CLSTN2: variants seen among roughly 807,000 people sequenced by gnomAD.
CLSTN2 encodes the protein calsyntenin-2.
CLSTN2 carries 48 observed loss-of-function variants against 101.2 expected under a neutral mutation model. The ratio of observed to expected loss-of-function variants is 0.47; its 90% CI spans 0.38 to 0.60. The LOEUF is 0.60. Ranked by LOEUF, CLSTN2 falls within the 20% of genes least tolerant of loss-of-function variation. The probability of loss-of-function intolerance (pLI) is 0.00; values close to 1 mark genes in which losing one functional copy is unlikely to be tolerated. For missense variants in CLSTN2, 1,160 were observed against 1,238.2 expected, an observed-to-expected ratio of 0.94 and a Z score of 0.95; for synonymous variants, 481 against 463.6, an observed-to-expected ratio of 1.04 and a Z score of -0.48.
chr3:140,051,402 C>CA (rs1435019489), intron 1 of CLSTN2, among the ~76,000 whole-genome samples: 10 of 152,208 alleles, frequency 6.6e-5, no homozygotes, highest in Non-Finnish European at 2.9e-5. Context: ...TTCCTGCCTT[C>CA]AGTCCATTCC....
At chr3:140,159,500 T>C (rs1358790369) in intron 1 of CLSTN2, among the ~76,000 whole-genome samples, 1 of 152,090 alleles carries the variant, frequency 6.6e-6, no homozygotes, top group Non-Finnish European at 1.5e-5. Flanking sequence ...ACAATGGCTA[T>C]TATAAAAACA....
chr3:140,364,230 C>T (rs1003136619), intron 2 of CLSTN2, among the ~76,000 whole-genome samples: 11 of 152,026 alleles, frequency 7.2e-5, no homozygotes, highest in African/African-American at 2.4e-4. Flanking sequence ...CCCAGAGTTC[C>T]CTGGGAGGAC....
In CLSTN2 at chr3:140,405,976, T is replaced by C. The variant is rs756848048; in HGVS notation, c.637+1210T>C. Among the ~76,000 whole-genome samples the C allele has an allele frequency of 1.5e-4, 22 of 151,362 alleles. 1 individual carries two copies. The highest frequency in any genetic ancestry group is 1.3e-4 in the Admixed American group (2 of 15,042). On this transcript the variant is annotated intron_variant, in intron 4 of 16. Coordinates refer to ENST00000458420, the MANE Select transcript of CLSTN2 (RefSeq NM_022131.3). Reference sequence around the variant, plus strand: ...ATGGTGCTGAACACTGGAAAGGAGATAGAGTGGAACTTAAAATAGACATGG... The same window carrying C: ...ATGGTGCTGAACACTGGAAAGGAGACAGAGTGGAACTTAAAATAGACATGG...
chr3:139,966,907 C>T (rs915104767), intron 1 of CLSTN2, among the ~76,000 whole-genome samples: 4 of 152,158 alleles, frequency 2.6e-5, no homozygotes, highest in African/African-American at 9.7e-5. Context: ...TTGAGTGAGG[C>T]AGGGGATCAT....
chr3:140,176,572 C>G (rs1264749202), intron 2 of CLSTN2, among the ~76,000 whole-genome samples: 1 of 152,216 alleles, frequency 6.6e-6, no homozygotes, highest in Non-Finnish European at 1.5e-5. Context: ...GGAGGAATCC[C>G]AAGGCAGTGC....
Position 140,432,091 on chromosome 3 carries a change from T to A in CLSTN2, c.787+10817T>A, listed in dbSNP as rs2107998557. ...TTAAGCATCATGTCCTGGATTTTTGTACTTAAGATTGGGATCAAAGGGAGA... is the reference window on the plus strand; with the variant it reads ...TTAAGCATCATGTCCTGGATTTTTGAACTTAAGATTGGGATCAAAGGGAGA... On this transcript the variant is annotated intron_variant, in intron 5 of 16. Coordinates refer to ENST00000458420, the MANE Select transcript of CLSTN2 (RefSeq NM_022131.3). 2.0e-5 allele frequency among the ~76,000 whole-genome samples: 3 copies of A among 152,322 alleles called. No homozygotes were observed. In the South Asian group the frequency reaches 6.2e-4, roughly 32 times the overall value.
At chr3:140,212,508 C>A (rs866678536) in intron 2 of CLSTN2, among the ~76,000 whole-genome samples, 6 of 152,126 alleles carry the variant, frequency 3.9e-5, no homozygotes, top group African/African-American at 9.7e-5. Flanking sequence ...TTCTGAGAAC[C>A]ACCCAAAGCC....
intron 1 of CLSTN2, among the ~76,000 whole-genome samples, chr3:140,160,271 A>G (rs1340579849): frequency 6.6e-6 from 1 of 152,184 alleles, no homozygotes; most frequent in Non-Finnish European, 1.5e-5. Context: ...TGACATACAG[A>G]ACATTCAATA....
At chr3:140,231,049 T>C (rs978043227) in intron 2 of CLSTN2, among the ~76,000 whole-genome samples, 2 of 152,180 alleles carry the variant, frequency 1.3e-5, no homozygotes, top group South Asian at 2.1e-4. Context: ...AACTATTTCT[T>C]CACAATGAAA....
chr3:140,100,852 C>T (rs2008954225), intron 1 of CLSTN2, among the ~76,000 whole-genome samples: 1 of 152,234 alleles, frequency 6.6e-6, no homozygotes, highest in Non-Finnish European at 1.5e-5. Flanking sequence ...CTCCAATGCC[C>T]ATGTGTGAGT....
chr3:140,079,052 C>T (rs1055933839), intron 1 of CLSTN2, among the ~76,000 whole-genome samples: 1 of 152,094 alleles, frequency 6.6e-6, no homozygotes, highest in African/African-American at 2.4e-5. Context: ...GCTGCATGAC[C>T]ATTGATCAAT....
In CLSTN2 at chr3:139,935,908, C is replaced by T. The variant is rs532858611; in HGVS notation, c.109+425C>T. Among the ~76,000 whole-genome samples the T allele has an allele frequency of 1.4e-4, 22 of 152,218 alleles. No homozygotes were observed. Among genetic ancestry groups the T allele is most frequent in the African/African-American group, 5.1e-4 (21 of 41,564 alleles). ...TTTCAAGGAGGGAGCCGAGCTGTGA[C>T]TTGTCTCCCAGCTCGGGGATGGAGT... On this transcript the variant is annotated intron_variant, in intron 1 of 16. Coordinates refer to ENST00000458420, the MANE Select transcript of CLSTN2 (RefSeq NM_022131.3). This position sits in a 1 kb window ranked among gnomAD's most constrained non-coding sequence, Gnocchi z 5.5.
At position 140,366,576 on chromosome 3, in the gene CLSTN2, C is replaced by G. The variant is rs542302532; in HGVS notation, c.233-37053C>G. 1.2e-4 allele frequency among the ~76,000 whole-genome samples: 18 copies of G among 152,250 alleles called. No individual in the cohort carries two copies. In the South Asian group the frequency reaches 3.7e-3, roughly 32 times the overall value. ...TTGTCATTAGCTCATGCTTGTCTTC[C>G]CTCTCTCTTCTACCCCAGCAAGTTG... On this transcript the variant is annotated intron_variant, in intron 2 of 16. Transcript: ENST00000458420.
At chr3:140,327,474 G>A (rs1004298777) in intron 2 of CLSTN2, among the ~76,000 whole-genome samples, 1 of 152,186 alleles carries the variant, frequency 6.6e-6, no homozygotes, top group African/African-American at 2.4e-5. Flanking sequence ...GCTCAGGTTA[G>A]GAATGTAGGT....
intron 1 of CLSTN2, among the ~76,000 whole-genome samples, chr3:140,169,715 C>T (rs2010184244): frequency 1.3e-5 from 2 of 151,824 alleles, no homozygotes; most frequent in Non-Finnish European, 2.9e-5. Context: ...CTCATTTTAT[C>T]TCAATATGTA....
intron 2 of CLSTN2, among the ~76,000 whole-genome samples, chr3:140,180,263 G>A (rs553976769): frequency 1.4e-4 from 22 of 152,256 alleles, no homozygotes; most frequent in Non-Finnish European, 3.1e-4. Context: ...GGCTAGCCTG[G>A]GGTTGAATCT....
chr3:140,504,373 A>T (rs1453167404), intron 8 of CLSTN2, among the ~76,000 whole-genome samples: 1 of 152,208 alleles, frequency 6.6e-6, no homozygotes, highest in East Asian at 1.9e-4. Context: ...GCCAAAAAAA[A>T]AAAGGTGGTG....
In CLSTN2 at chr3:140,571,367, AATC is replaced by A. The variant is rs974845629; in HGVS notation, c.*5118_*5120del. The A allele has an allele frequency of 9.2e-5, 14 of 152,154 alleles. No individual in the cohort carries two copies. Among genetic ancestry groups the A allele is most frequent in the Admixed American group, 7.9e-4 (12 of 15,274 alleles). The allele number at this position is 152,154 out of a possible 1,614,324, so 9.4% of individuals were successfully genotyped here. A position where few individuals can be genotyped will look rare whatever the true frequency, so the allele number is the denominator to read the frequency against. On this transcript the variant is annotated 3_prime_UTR_variant, in exon 17 of 17. Coordinates refer to ENST00000458420, the MANE Select transcript of CLSTN2 (RefSeq NM_022131.3). ...AAGAAAAAAAGACAACTTTTTTTTT[AATC>A]ATCCCCACATTTAAATTAACCAAAT...
intron 1 of CLSTN2, among the ~76,000 whole-genome samples, 174 bp from the exon 2 acceptor site, chr3:140,175,777 C>G (rs532393435): frequency 1.0e-3 from 157 of 152,268 alleles, no homozygotes; most frequent in South Asian, 1.9e-3. Flanking sequence ...AACCTCTTCC[C>G]GCACTTCTCT....
Sources: gnomAD v4.1 joint callset for allele counts (sites outside exome capture counted in the v4.1 genomes callset) on GRCh38, gnomAD v4.1.1 for gene constraint, Gnocchi (gnomAD v3.1) non-coding constraint, MANE v1.5 for transcripts, NCBI Gene and HGNC (gene_info 2026-07-23, HGNC 2026-07-21) for gene names.